The following DPF3 variants were observed in gnomAD, a reference collection of about 807,000 sequenced individuals.
DPF3 encodes the protein zinc finger protein DPF3.
DPF3 carries 18 observed loss-of-function variants against 56.8 expected under a neutral mutation model. The ratio of observed to expected loss-of-function variants is 0.32; its 90% CI spans 0.22 to 0.47. DPF3 has a LOEUF of 0.47. Ranked by LOEUF, DPF3 falls within the 20% of genes least tolerant of loss-of-function variation. DPF3 has a pLI of 1.00. For missense variants in DPF3, 403 were observed against 488.8 expected (o/e 0.82, Z 1.65); for synonymous variants, 188 against 180.2 (o/e 1.04, Z -0.35).
At position 72,617,898 on chromosome 14, in the gene DPF3, G is replaced by A. The variant is rs1047882899; in HGVS notation, c.*1399C>T. Among the ~76,000 whole-genome samples, 3 of 152,130 alleles carry A rather than the reference G, an allele frequency of 2.0e-5. No individual in the cohort carries two copies. The highest frequency in any genetic ancestry group is 4.8e-5 in the African/African-American group (2 of 41,436). On this transcript the variant is annotated 3_prime_UTR_variant, in exon 11 of 11. Transcript: ENST00000556509. ...AGCATGCGCGAGGGTTCCGCTCACC[G>A]AGACCTGCCCTTTGGGCAAATGATT...
chr14:72,657,464 G>C (rs1341054534), intron 8 of DPF3, among the ~76,000 whole-genome samples: 1 of 152,162 alleles, frequency 6.6e-6, no homozygotes, highest in Non-Finnish European at 1.5e-5. Flanking sequence ...CTAGTAAACA[G>C]CTTTCCAAAA....
intron 8 of DPF3, among the ~76,000 whole-genome samples, chr14:72,652,227 G>A (rs1885930547): frequency 6.6e-6 from 1 of 152,180 alleles, no homozygotes; most frequent in South Asian, 2.1e-4. Context: ...TATGGGGAAA[G>A]TCTTTCCCAG....
At chr14:72,801,066 C>A (rs1892872953) in intron 1 of DPF3, among the ~76,000 whole-genome samples, 1 of 152,180 alleles carries the variant, frequency 6.6e-6, no homozygotes, top group South Asian at 2.1e-4. Flanking sequence ...CACCACCTTA[C>A]CAATAGTGCA....
intron 3 of DPF3, among the ~76,000 whole-genome samples, chr14:72,736,388 T>C (rs1889896101): frequency 6.6e-6 from 1 of 152,190 alleles, no homozygotes; most frequent in Admixed American, 6.5e-5. Context: ...ATTTGCAGCA[T>C]TAAAAATAAC....
chr14:72,893,977 G>C (rs1213572461), intron 1 of DPF3, 80 bp downstream of exon 1: 3 of 1,563,086 alleles, frequency 1.9e-6, no homozygotes, highest in Non-Finnish European at 2.6e-6. Flanking sequence ...CAATGCTCTG[G>C]CAGCGCTCGC....
intron 1 of DPF3, among the ~76,000 whole-genome samples, chr14:72,826,738 G>A (rs114672580): frequency 0.012 from 1,876 of 152,172 alleles, 37 homozygotes; most frequent in African/African-American, 0.043. Context: ...GGGTGGTACT[G>A]GGAACAAGAC....
rs1039829105 is a variant in DPF3 at position 72,616,871 on chromosome 14, G to A, written c.*2426C>T. On this transcript the variant is annotated 3_prime_UTR_variant, in exon 11 of 11. Transcript: ENST00000556509. Reference sequence around the variant, plus strand: ...CCACGGAGACTTTTGTCTGCTTGTAGTACCCTGACAGTGCCAGCCCACAAG... The same window carrying A: ...CCACGGAGACTTTTGTCTGCTTGTAATACCCTGACAGTGCCAGCCCACAAG... 1.3e-5 allele frequency among the ~76,000 whole-genome samples: 2 copies of A among 152,202 alleles called. No individual in the cohort carries two copies. The highest frequency in any genetic ancestry group is 2.9e-5 in the Non-Finnish European group (2 of 68,040).
chr14:72,731,089 C>T (rs189068582), intron 4 of DPF3, among the ~76,000 whole-genome samples: 1 of 152,116 alleles, frequency 6.6e-6, no homozygotes, highest in Non-Finnish European at 1.5e-5. Context: ...TCACTTGAAC[C>T]CGGGAGGCAG....
chr14:72,642,171 G>A (rs1885583308), intron 8 of DPF3, among the ~76,000 whole-genome samples: 1 of 152,316 alleles, frequency 6.6e-6, no homozygotes, highest in South Asian at 2.1e-4. Context: ...AGCCTCATGG[G>A]ACACCCTGTG....
At chr14:72,717,045 T>C (rs1236905846) in intron 5 of DPF3, among the ~76,000 whole-genome samples, 1 of 152,154 alleles carries the variant, frequency 6.6e-6, no homozygotes, top group Admixed American at 6.5e-5. Flanking sequence ...GGTTCACGCA[T>C]TCACACGTTC....
Position 72,817,109 on chromosome 14 carries a change from C to T in DPF3, c.33-45216G>A, listed in dbSNP as rs146684493. 3.8e-3 allele frequency among the ~76,000 whole-genome samples: 581 copies of T among 152,294 alleles called. 3 individuals are homozygous for T. The highest frequency in any genetic ancestry group is 0.02 in the Middle Eastern group (6 of 294). On this transcript the variant is annotated intron_variant, in intron 1 of 10. Coordinates refer to ENST00000556509, the MANE Select transcript of DPF3 (RefSeq NM_001280542.3). ...AATCACCTCTCTCAGAGGCTCACAG[C>T]CCCGGGGGGACAGCGTCCAGGGGTC...
At chr14:72,717,135 T>G (rs1888966333) in intron 5 of DPF3, among the ~76,000 whole-genome samples, 1 of 152,206 alleles carries the variant, frequency 6.6e-6, no homozygotes, top group South Asian at 2.1e-4. Flanking sequence ...ACCCCATGAT[T>G]GTGCTCTCCT....
intron 3 of DPF3, among the ~76,000 whole-genome samples, chr14:72,751,754 G>C (rs1240023666): frequency 2.0e-5 from 3 of 152,092 alleles, no homozygotes; most frequent in African/African-American, 7.3e-5. Context: ...CATTTCCCCT[G>C]TTTCTTTTTC....
At chr14:72,657,741 A>G (rs1432529133) in intron 8 of DPF3, among the ~76,000 whole-genome samples, 1 of 152,206 alleles carries the variant, frequency 6.6e-6, no homozygotes, top group East Asian at 1.9e-4. Flanking sequence ...TTGTAAATAA[A>G]GTTTTATTGG....
At chr14:72,858,289 C>T (rs183963471) in intron 1 of DPF3, among the ~76,000 whole-genome samples, 2 of 137,116 alleles carry the variant, frequency 1.5e-5, no homozygotes, top group Admixed American at 7.7e-5. Flanking sequence ...GCCTGGGTGA[C>T]AGAGTTAAGA....
intron 3 of DPF3, among the ~76,000 whole-genome samples, chr14:72,744,420 C>T (rs749848913): frequency 2.0e-5 from 3 of 151,924 alleles, no homozygotes; most frequent in Non-Finnish European, 4.4e-5. Flanking sequence ...CCTACAGGTG[C>T]CCACCACCAC....
chr14:72,796,811 G>A (rs933720935), intron 1 of DPF3, among the ~76,000 whole-genome samples: 3 of 152,024 alleles, frequency 2.0e-5, no homozygotes, highest in East Asian at 1.9e-4. Context: ...TATCATTGTC[G>A]ATAGTTGAGT....
chr14:72,611,433 C>G lies in DPF3; in HGVS notation c.*7864G>C, dbSNP rs888527231. Among the ~76,000 whole-genome samples, 2 of 152,208 alleles carry G rather than the reference C, an allele frequency of 1.3e-5. No individual in the cohort carries two copies. Among genetic ancestry groups the G allele is most frequent in the Non-Finnish European group, 2.9e-5 (2 of 68,034 alleles). ...TGCTGGGTTTCATCCCTGCACACAC[C>G]AGCAGTGCCAGATACAGGCGTGGGG... is the stretch of plus-strand genomic sequence containing the variant. On this transcript the variant is annotated 3_prime_UTR_variant, in exon 11 of 11. Coordinates refer to ENST00000556509, the MANE Select transcript of DPF3 (RefSeq NM_001280542.3).
intron 2 of DPF3, among the ~76,000 whole-genome samples, chr14:72,763,957 T>C (rs1891161526): frequency 6.6e-6 from 1 of 152,342 alleles, no homozygotes; most frequent in Non-Finnish European, 1.5e-5. Flanking sequence ...ATGGATGGTG[T>C]AATATTGTGA....
Sources: allele counts gnomAD v4.1 joint callset (sites outside exome capture counted in the v4.1 genomes callset), GRCh38; gene constraint gnomAD v4.1.1; transcripts MANE v1.5; gene names NCBI Gene and HGNC (gene_info 2026-07-23, HGNC 2026-07-21).